The following TPM1 variants were observed in gnomAD, a reference collection of about 807,000 sequenced individuals.
The protein encoded by TPM1 is tropomyosin 1.
A neutral mutation model predicts 42.9 loss-of-function variants in TPM1; 24 were observed. The observed-to-expected ratio is 0.56, with a 90% CI of 0.41 to 0.79. The LOEUF is 0.79. Among genes scored for constraint, TPM1 ranks in the 30% least tolerant of loss-of-function variants. TPM1 has a pLI of 0.00. For synonymous variants in TPM1, 136 were observed against 130.1 expected (o/e 1.05, Z -0.31); for missense variants, 158 against 351.8 (o/e 0.45, Z 4.41).
chr15:63,070,921 C>G, downstream of TPM1: 1 of 1,412,664 alleles, frequency 7.1e-7, no homozygotes, highest in African/African-American at 1.4e-5. Context: ...AAGATGCCCT[C>G]CCCTCCGTCT....
chr15:63,048,300 C>G, intron 2 of TPM1: 1 of 853,968 alleles, frequency 1.2e-6, no homozygotes, highest in Non-Finnish European at 1.7e-6. Context: ...CCTTTCTCCC[C>G]GCCGCCGCGA....
chr15:63,055,362 CA>C (rs1264636151), intron 2 of TPM1, among the ~76,000 whole-genome samples: 3 of 152,194 alleles, frequency 2.0e-5, no homozygotes, highest in African/African-American at 4.8e-5. Flanking sequence ...CCTCTCTTCC[CA>C]GATAAAACTT....
chr15:63,069,917 C>T, downstream of TPM1: 1 of 1,614,116 alleles, frequency 6.2e-7, no homozygotes, highest in Non-Finnish European at 8.5e-7. Flanking sequence ...CACTAATGAA[C>T]TAAAGCTGGC....
chr15:63,059,164 A>T (rs1596370375), intron 3 of TPM1, among the ~76,000 whole-genome samples: 1 of 152,356 alleles, frequency 6.6e-6, no homozygotes, highest in Admixed American at 6.5e-5. Flanking sequence ...ATTTTGTTCT[A>T]GCTTTGGTTC....
intron 8 of TPM1, chr15:63,063,396 C>T (rs2035905618): frequency 1.0e-6 from 1 of 984,618 alleles, no homozygotes; most frequent in Non-Finnish European, 1.2e-6. Context: ...AAGTATGAAA[C>T]CTGCAGCATT....
At chr15:63,063,144 A>G (rs1596389476) in intron 8 of TPM1, 2 of 981,764 alleles carry the variant, frequency 2.0e-6, no homozygotes, top group South Asian at 4.7e-5. Flanking sequence ...ATTATACTTA[A>G]GCATTTCTTC....
At chr15:63,048,885 C>T (rs1437050909) in intron 2 of TPM1, 1 of 776,086 alleles carries the variant, frequency 1.3e-6, no homozygotes. Flanking sequence ...CCGGCCTGTT[C>T]TCCTGAGCCT....
intron 2 of TPM1, chr15:63,048,114 G>C (rs777212630): frequency 6.7e-5 from 28 of 420,050 alleles, no homozygotes; most frequent in South Asian, 4.1e-4. Context: ...ATCTGGACTC[G>C]GGAGCGGAGC....
At chr15:63,061,099 G>C in intron 5 of TPM1, 160 bp downstream of exon 5, 2 of 1,460,858 alleles carry the variant, frequency 1.4e-6, no homozygotes, top group Admixed American at 1.7e-5. Flanking sequence ...TGGAGGACTC[G>C]TGTGGGGTGT....
intron 2 of TPM1, among the ~76,000 whole-genome samples, chr15:63,053,973 C>T (rs145931186): frequency 6.6e-6 from 1 of 151,946 alleles, no homozygotes; most frequent in African/African-American, 2.4e-5. Context: ...GCCACAGCGC[C>T]CAGCTGAAAG....
At chr15:63,063,203 A>G (rs2035883438) in intron 8 of TPM1, 1 of 985,480 alleles carries the variant, frequency 1.0e-6, no homozygotes, top group African/African-American at 1.7e-5. Context: ...TATCTCACAG[A>G]TATCCTAAAT....
intron 4 of TPM1, among the ~76,000 whole-genome samples, 172 bp from the exon 5 acceptor site, chr15:63,060,697 T>A (rs568815159): frequency 4.5e-4 from 68 of 152,332 alleles, no homozygotes; most frequent in African/African-American, 1.5e-3. Context: ...ATCTCCTCTC[T>A]GCTGGCACTC....
In TPM1 at chr15:63,062,744, C is replaced by T. The variant is rs56054026; in HGVS notation, c.772+99C>T. 4.9e-4 allele frequency: 782 copies of T among 1,597,348 alleles called. 4 individuals are homozygous for T. In the African/African-American group the frequency reaches 9.4e-3, roughly 19 times the overall value. Reference sequence around the variant, plus strand: ...CAAGGGCATCCACATTGATACGCTCCTTTGCACTTGCACATTCTTCCTGTG... The same window carrying T: ...CAAGGGCATCCACATTGATACGCTCTTTTGCACTTGCACATTCTTCCTGTG... On this transcript the variant is annotated intron_variant, in intron 8 of 9. Transcript: ENST00000403994.
At chr15:63,048,418 G>T in intron 2 of TPM1, 8 of 1,354,768 alleles carry the variant, frequency 5.9e-6, no homozygotes, top group Non-Finnish European at 4.7e-6. Flanking sequence ...TGCGACTTCC[G>T]GACTGCTCCT....
At chr15:63,064,374 C>T (rs549718534) in intron 9 of TPM1, 17 of 1,398,052 alleles carry the variant, frequency 1.2e-5, no homozygotes, top group Admixed American at 1.1e-4. Context: ...ATTTTGTAAA[C>T]GCTGAACTAG....
intron 6 of TPM1, 152 bp from the exon 7 acceptor site, chr15:63,062,063 A>C (rs1428967047): frequency 2.7e-6 from 2 of 744,032 alleles, no homozygotes; most frequent in Non-Finnish European, 4.8e-6. Flanking sequence ...AAAGCAGAGA[A>C]TGTATTGCAG....
chr15:63,059,763 C>A, intron 4 of TPM1, 83 bp downstream of exon 4: 1 of 959,086 alleles, frequency 1.0e-6, no homozygotes, highest in Non-Finnish European at 1.7e-6. Context: ...TCTTGATTCC[C>A]GAGTGAGGCC....
intron 2 of TPM1, among the ~76,000 whole-genome samples, chr15:63,051,939 A>G (rs1031104980): frequency 7.5e-6 from 1 of 133,868 alleles, no homozygotes; most frequent in Non-Finnish European, 1.5e-5. Context: ...ATATTATACT[A>G]TGGTGGGGTG....
chr15:63,056,937 A>G, intron 2 of TPM1, 48 bp from the exon 3 acceptor site: 1 of 1,613,550 alleles, frequency 6.2e-7, no homozygotes, highest in Non-Finnish European at 8.5e-7. Flanking sequence ...TGAAGCTACC[A>G]CCCTCACTTT....
Sources: gnomAD v4.1 joint callset for allele counts (sites outside exome capture counted in the v4.1 genomes callset) on GRCh38, gnomAD v4.1.1 for gene constraint, MANE v1.5 for transcripts, NCBI Gene and HGNC (gene_info 2026-07-23, HGNC 2026-07-21) for gene names.